Variants in TGFBRAP1 observed in about 807,000 individuals in gnomAD.
TGFBRAP1 encodes transforming growth factor beta receptor associated protein 1.
Under a neutral mutation model 83.2 loss-of-function variants are expected in TGFBRAP1, and 20 were observed. The ratio of observed to expected loss-of-function variants is 0.24; its 90% confidence interval spans 0.17 to 0.35. The LOEUF is 0.35. Ranked by LOEUF, TGFBRAP1 falls within the 10% of genes least tolerant of loss-of-function variation. The pLI is 1.00. For missense variants in TGFBRAP1, 950 were observed against 1,099.4 expected, an observed-to-expected ratio of 0.86 and a Z score of 1.92; for synonymous variants, 415 against 459.8, an observed-to-expected ratio of 0.90 and a Z score of 1.25.
downstream of TGFBRAP1, among the ~76,000 whole-genome samples, chr2:105,263,621 T>C (rs1466279310): frequency 6.6e-6 from 1 of 152,200 alleles, no homozygotes; most frequent in Non-Finnish European, 1.5e-5. Context: ...CTCACGCCTG[T>C]AATCCCAGCA....
At chr2:105,259,843 A>G (rs1218773957), downstream of TGFBRAP1, among the ~76,000 whole-genome samples, 1 of 151,936 alleles carries the variant, frequency 6.6e-6, no homozygotes, top group Non-Finnish European at 1.5e-5. Context: ...TTGTTGGCAA[A>G]GGATTTTGAA....
In TGFBRAP1 at chr2:105,266,241, T is replaced by C. The variant is rs534004126; in HGVS notation, c.*1142A>G. ...GGTGACACAGCCTGTCTGGATGTCC[T>C]CGGGAGGGTGTGCCATCCAGGAGGC... On this transcript the variant is annotated 3_prime_UTR_variant, in exon 12 of 12. Coordinates refer to ENST00000393359, the MANE Select transcript of TGFBRAP1 (RefSeq NM_004257.6). The C allele has an allele frequency of 1.3e-5, 2 of 152,338 alleles. No individual in the cohort carries two copies. The highest frequency in any genetic ancestry group is 4.1e-4 in the South Asian group (2 of 4,824). The allele number at this position is 152,338 out of a possible 1,614,324, so 9.4% of individuals were successfully genotyped here.
intron 1 of TGFBRAP1, among the ~76,000 whole-genome samples, chr2:105,317,204 C>G (rs181411953): frequency 9.7e-4 from 147 of 152,056 alleles, no homozygotes; most frequent in African/African-American, 3.4e-3. Flanking sequence ...TCTGGGAGGC[C>G]GAGGTGGGAG....
intron 7 of TGFBRAP1, among the ~76,000 whole-genome samples, chr2:105,277,378 A>G: frequency 6.6e-6 from 1 of 152,248 alleles, no homozygotes; most frequent in East Asian, 1.9e-4. Context: ...TAAGTTTTCA[A>G]AAACTCAGTC....
intron 4 of TGFBRAP1, among the ~76,000 whole-genome samples, chr2:105,287,663 C>T (rs1028220803): frequency 2.0e-5 from 3 of 152,010 alleles, no homozygotes; most frequent in Non-Finnish European, 4.4e-5. Context: ...TGGGTGTGGC[C>T]GTCACAACAG....
chr2:105,298,668 G>C lies in TGFBRAP1; in HGVS notation c.726C>G (p.Ala242=). 6.2e-7 allele frequency: 1 copy of C among 1,600,958 alleles called. No individual in the cohort carries two copies. The highest frequency in any genetic ancestry group is 8.5e-7 in the Non-Finnish European group (1 of 1,171,066). ...FATVAGISQR[A]PVHWSENVIG... ...TCACATTCTCCGACCAGTGCACGGGGGCGCGCTGGGATATCCCTGCGACTG... is the reference window on the plus strand; with the variant it reads ...TCACATTCTCCGACCAGTGCACGGGCGCGCGCTGGGATATCCCTGCGACTG... Residue 242 remains alanine, a synonymous_variant, in exon 3 of 12, where the codon GCC becomes GCG. Coordinates refer to ENST00000393359, the MANE Select transcript of TGFBRAP1 (RefSeq NM_004257.6).
At chr2:105,315,754 G>T (rs1008503584) in intron 1 of TGFBRAP1, among the ~76,000 whole-genome samples, 3 of 152,184 alleles carry the variant, frequency 2.0e-5, no homozygotes, top group African/African-American at 7.2e-5. Flanking sequence ...GTTGCTGGAA[G>T]GAGTTTAAAA....
rs1179825097 is a variant in TGFBRAP1 at position 105,308,277 on chromosome 2, G to A, written c.25C>T (p.Leu9Phe). The change falls in exon 2 of 12, where the codon CTT becomes TTT. Residue 9 changes from leucine (L) to phenylalanine (F), a missense_variant. Physicochemically the swap from Leu to Phe is conservative, Grantham distance 22 (BLOSUM62 0). Transcript: ENST00000393359. MMSIKAFT[L>F]VSAVERELLM... ...AGCTCCCGCTCCACAGCAGAGACAAGCGTAAAGGCTTTGATGCTCATCATG... is the reference window on the plus strand; with the variant it reads ...AGCTCCCGCTCCACAGCAGAGACAAACGTAAAGGCTTTGATGCTCATCATG... 6.2e-7 allele frequency: 1 copy of A among 1,612,634 alleles called. No individual in the cohort carries two copies. The highest frequency in any genetic ancestry group is 2.2e-5 in the East Asian group (1 of 44,832).
At chr2:105,278,016 GCCACTGCA>G (rs1265453048) in intron 6 of TGFBRAP1, among the ~76,000 whole-genome samples, 1 of 152,044 alleles carries the variant, frequency 6.6e-6, no homozygotes, top group Non-Finnish European at 1.5e-5. Flanking sequence ...CCCTGATTGT[GCCACTGCA>G]CTCCAGCCCG....
chr2:105,260,180 G>A (rs902900166), downstream of TGFBRAP1, among the ~76,000 whole-genome samples: 3 of 152,016 alleles, frequency 2.0e-5, no homozygotes, highest in Non-Finnish European at 4.4e-5. Context: ...AGGCTGAGGC[G>A]GGCAGATCAC....
chr2:105,259,942 G>A (rs540142362), downstream of TGFBRAP1, among the ~76,000 whole-genome samples: 15 of 152,304 alleles, frequency 9.8e-5, no homozygotes, highest in South Asian at 3.1e-3. Flanking sequence ...ACAATAAGCA[G>A]ACGACTGTTA....
At chr2:105,328,459 G>A (rs1447383093) in intron 1 of TGFBRAP1, among the ~76,000 whole-genome samples, 1 of 152,208 alleles carries the variant, frequency 6.6e-6, no homozygotes, top group Admixed American at 6.5e-5. Flanking sequence ...CCTTCTGACT[G>A]ACCATGGAAC....
At chr2:105,250,826 G>C in the TGFBRAP1 span, among the ~76,000 whole-genome samples, 1 of 152,330 alleles carries the variant, frequency 6.6e-6, no homozygotes, top group Non-Finnish European at 1.5e-5. Context: ...ACTGGTTTTC[G>C]TATTTTTTTG....
Position 105,269,319 on chromosome 2 carries a change from C to T in TGFBRAP1, c.2359G>A (p.Ala787Thr). 10 of 1,613,302 alleles carry T rather than the reference C, an allele frequency of 6.2e-6. No homozygotes were observed. The highest frequency in any genetic ancestry group is 6.8e-6 in the Non-Finnish European group (8 of 1,179,396). Residue 787 changes from alanine to threonine, a missense_variant, in exon 11 of 12, where the codon GCT becomes ACT. Transcript: ENST00000393359. This position sits in a 1 kb window ranked among gnomAD's most constrained non-coding sequence, Gnocchi z 4.1. ...TTTTCGGACCTGGCCAGGCCGAGAGCCACCTGCATGGTCCTCCTGGCATGG... is the reference window on the plus strand; with the variant it reads ...TTTTCGGACCTGGCCAGGCCGAGAGTCACCTGCATGGTCCTCCTGGCATGG... ...SIHARRTMQV[A>T]LGLARSENLI...
At chr2:105,307,016 G>T (rs1312705020) in intron 2 of TGFBRAP1, among the ~76,000 whole-genome samples, 1 of 152,190 alleles carries the variant, frequency 6.6e-6, no homozygotes, top group Non-Finnish European at 1.5e-5. Context: ...GTAAGAGAGG[G>T]TCCCACAAGC....
At chr2:105,281,309 T>A (rs1481134094) in intron 5 of TGFBRAP1, among the ~76,000 whole-genome samples, 4 of 152,196 alleles carry the variant, frequency 2.6e-5, no homozygotes, top group Non-Finnish European at 5.9e-5. Flanking sequence ...TCCTTTCCCA[T>A]CTCCTCTCCG....
At chr2:105,306,453 C>A (rs988314257) in intron 2 of TGFBRAP1, among the ~76,000 whole-genome samples, 10 of 152,080 alleles carry the variant, frequency 6.6e-5, no homozygotes, top group African/African-American at 2.4e-4. Flanking sequence ...GAGGGAAGAG[C>A]CCCTGAGAAA....
intron 1 of TGFBRAP1, 90 bp from the exon 2 acceptor site, chr2:105,308,408 T>C (rs1243689149): frequency 7.9e-7 from 1 of 1,259,134 alleles, no homozygotes; most frequent in East Asian, 2.6e-5. Flanking sequence ...TCCCTAGTTG[T>C]CATTTTCATT....
At position 105,329,635 on chromosome 2, in the gene TGFBRAP1, G is replaced by GC. The variant is rs1353601405; in HGVS notation, c.-29dup. The GC allele has an allele frequency of 1.4e-5, 2 of 146,688 alleles. No individual in the cohort carries two copies. 9.1% of individuals were successfully genotyped at this position (146,688 alleles called of 1,614,324 possible). On this transcript the variant is annotated 5_prime_UTR_variant, in exon 1 of 12. Coordinates refer to ENST00000393359, the MANE Select transcript of TGFBRAP1 (RefSeq NM_004257.6). Reference sequence around the variant, plus strand: ...GCCCTCCTCACTCACCGGCGCCGGCGCCCGCCGTCCCGCGCCGCCCCGCGG... The same window carrying GC: ...GCCCTCCTCACTCACCGGCGCCGGCGCCCCGCCGTCCCGCGCCGCCCCGCGG...
Sources: gnomAD v4.1 joint callset for allele counts (sites outside exome capture counted in the v4.1 genomes callset) on GRCh38, gnomAD v4.1.1 for gene constraint, Gnocchi (gnomAD v3.1) non-coding constraint, MANE v1.5 for transcripts, NCBI Gene and HGNC (gene_info 2026-07-23, HGNC 2026-07-21) for gene names.